Variants in STAG1 observed in about 807,000 individuals in gnomAD.
STAG1 encodes the protein STAG1 cohesin complex component.
Under a neutral mutation model 170.9 loss-of-function variants are expected in STAG1, and 26 were observed. The ratio of observed to expected loss-of-function variants is 0.15; its 90% CI spans 0.11 to 0.21. The LOEUF is 0.21. Among genes scored for constraint, STAG1 ranks in the 10% least tolerant of loss-of-function variants. The pLI, the probability that STAG1 is intolerant of heterozygous loss-of-function variation, is 1.00. For missense variants in STAG1, 964 were observed against 1,509.5 expected, an observed-to-expected ratio of 0.64 and a Z score of 5.99; for synonymous variants, 514 against 497.7, an observed-to-expected ratio of 1.03 and a Z score of -0.44.
At chr3:136,490,047 T>A (rs1352885698) in intron 9 of STAG1, among the ~76,000 whole-genome samples, 1 of 152,218 alleles carries the variant, frequency 6.6e-6, no homozygotes, top group African/African-American at 2.4e-5. Flanking sequence ...TTTAATTTAA[T>A]TTAATTTTTT....
chr3:136,515,409 T>A (rs1377542097), intron 7 of STAG1, among the ~76,000 whole-genome samples: 1 of 152,156 alleles, frequency 6.6e-6, no homozygotes, highest in Non-Finnish European at 1.5e-5. Context: ...CTAAGTGACT[T>A]ATGTATGTTA....
At chr3:136,733,068 A>G (rs1934133650) in intron 1 of STAG1, among the ~76,000 whole-genome samples, 1 of 150,262 alleles carries the variant, frequency 6.7e-6, no homozygotes, top group South Asian at 2.1e-4. Flanking sequence ...AATATAGTCT[A>G]GTGGTTAAAA....
intron 1 of STAG1, among the ~76,000 whole-genome samples, chr3:136,720,968 C>T (rs932142835): frequency 2.0e-5 from 3 of 152,106 alleles, no homozygotes; most frequent in Non-Finnish European, 2.9e-5. Context: ...ATACAAGTGA[C>T]GCAGAGAGGT....
At chr3:136,577,459 G>A (rs1937504844) in intron 4 of STAG1, among the ~76,000 whole-genome samples, 1 of 152,220 alleles carries the variant, frequency 6.6e-6, no homozygotes, top group Non-Finnish European at 1.5e-5. Context: ...GTTGGTCCCA[G>A]ATCAAACTAA....
chr3:136,343,765 G>A, intron 30 of STAG1, 67 bp downstream of exon 30: 3 of 1,338,832 alleles, frequency 2.2e-6, no homozygotes, highest in Non-Finnish European at 3.0e-6. Context: ...AACAAATAAA[G>A]TTTTTCTTAA....
chr3:136,465,606 A>G (rs968895036), intron 12 of STAG1, among the ~76,000 whole-genome samples: 62 of 150,444 alleles, frequency 4.1e-4, no homozygotes, highest in Non-Finnish European at 5.9e-5. Flanking sequence ...AAGAGACAAA[A>G]CTGAAATTGT....
intron 1 of STAG1, chr3:136,737,287 A>AACT: frequency 2.1e-6 from 1 of 475,658 alleles, no homozygotes. Flanking sequence ...TATTCTTAGT[A>AACT]GAGATGGGGT....
intron 15 of STAG1, among the ~76,000 whole-genome samples, chr3:136,441,761 A>G (rs1024451764): frequency 1.3e-5 from 2 of 152,212 alleles, no homozygotes; most frequent in Non-Finnish European, 2.9e-5. Context: ...AAGGGACTCA[A>G]TAGAACAGTA....
intron 23 of STAG1, among the ~76,000 whole-genome samples, chr3:136,371,800 G>C (rs369793393): frequency 9.8e-5 from 15 of 152,286 alleles, no homozygotes; most frequent in East Asian, 7.7e-4. Context: ...GATGCCTCCA[G>C]CTTTGTTCTT....
At chr3:136,523,324 A>C (rs1168588849) in intron 6 of STAG1, among the ~76,000 whole-genome samples, 1 of 152,080 alleles carries the variant, frequency 6.6e-6, no homozygotes, top group Non-Finnish European at 1.5e-5. Flanking sequence ...GGCCAGAGAT[A>C]ATGAGCATTT....
intron 1 of STAG1, among the ~76,000 whole-genome samples, chr3:136,707,514 G>T (rs1232099658): frequency 1.3e-5 from 2 of 152,162 alleles, no homozygotes; most frequent in Admixed American, 1.3e-4. Flanking sequence ...TTAGAATAGG[G>T]TATTAGTCCA....
At chr3:136,350,672 C>T (rs986403724) in intron 28 of STAG1, among the ~76,000 whole-genome samples, 8 of 152,202 alleles carry the variant, frequency 5.3e-5, no homozygotes, top group African/African-American at 1.7e-4. Context: ...ATTTCAGTGG[C>T]ATAAAAGTTA....
chr3:136,489,083 A>G (rs764548290), intron 9 of STAG1, among the ~76,000 whole-genome samples: 1 of 152,240 alleles, frequency 6.6e-6, no homozygotes, highest in Non-Finnish European at 1.5e-5. Context: ...ATTAAAAACT[A>G]AACATGAAGG....
At chr3:136,514,275 AG>A (rs1934232418) in intron 7 of STAG1, among the ~76,000 whole-genome samples, 1 of 152,230 alleles carries the variant, frequency 6.6e-6, no homozygotes, top group Non-Finnish European at 1.5e-5. Context: ...ACTTCTCAAA[AG>A]AAGACATTTA....
intron 21 of STAG1, among the ~76,000 whole-genome samples, chr3:136,410,177 A>T (rs1346778504): frequency 6.6e-6 from 1 of 152,004 alleles, no homozygotes; most frequent in Non-Finnish European, 1.5e-5. Context: ...AGGCAGGCAG[A>T]TCACCTGAGG....
chr3:136,446,118 C>T (rs2088769872), intron 14 of STAG1, among the ~76,000 whole-genome samples: 1 of 152,110 alleles, frequency 6.6e-6, no homozygotes, highest in South Asian at 2.1e-4. Flanking sequence ...TATCAAAATC[C>T]TTAGCCTATT....
chr3:136,560,137 T>C (rs931221950), intron 5 of STAG1, among the ~76,000 whole-genome samples: 7 of 152,198 alleles, frequency 4.6e-5, no homozygotes, highest in African/African-American at 7.2e-5. Context: ...TCTCTGGCAA[T>C]TCTGCACTCC....
chr3:136,646,600 T>A (rs992010547), intron 1 of STAG1, among the ~76,000 whole-genome samples: 4 of 152,198 alleles, frequency 2.6e-5, no homozygotes, highest in Non-Finnish European at 5.9e-5. Context: ...TAGTGTTCCA[T>A]AGCACTATAA....
intron 20 of STAG1, among the ~76,000 whole-genome samples, chr3:136,419,211 T>TTA (rs1201411059): frequency 6.7e-6 from 1 of 148,682 alleles, no homozygotes; most frequent in African/African-American, 2.4e-5. Context: ...TGACAGTTTT[T>TTA]TAAAAAAATA....
Sources: allele counts gnomAD v4.1 joint callset (sites outside exome capture counted in the v4.1 genomes callset), GRCh38; gene constraint gnomAD v4.1.1; transcripts MANE v1.5; gene names NCBI Gene and HGNC (gene_info 2026-07-23, HGNC 2026-07-21).